The following SIK2 variants were observed in gnomAD, a reference collection of about 807,000 sequenced individuals.
SIK2 encodes salt inducible kinase 2.
Under a neutral mutation model 103.2 loss-of-function variants are expected in SIK2, and 29 were observed. The observed-to-expected ratio is 0.28, with a 90% CI of 0.21 to 0.38. The LOEUF (loss-of-function observed/expected upper bound fraction) is 0.38, where lower values mean the gene tolerates loss of function less well. Ranked by LOEUF, SIK2 falls within the 10% of genes least tolerant of loss-of-function variation. The pLI is 1.00. For synonymous variants in SIK2, 412 were observed against 446.1 expected, an observed-to-expected ratio of 0.92 and a Z score of 0.96; for missense variants, 879 against 1,171.0, an observed-to-expected ratio of 0.75 and a Z score of 3.64.
At chr11:111,652,825 T>A (rs1392494665) in intron 3 of SIK2, among the ~76,000 whole-genome samples, 5 of 152,224 alleles carry the variant, frequency 3.3e-5, no homozygotes, top group Admixed American at 6.5e-5. Flanking sequence ...ATAAATTTGC[T>A]CATAGTGACA....
Position 111,602,814 on chromosome 11 carries a change from G to A in SIK2, c.135+116G>A. On this transcript the variant is annotated intron_variant, in intron 1 of 14. Coordinates refer to ENST00000304987, the MANE Select transcript of SIK2 (RefSeq NM_015191.3). The surrounding 1 kb of genome is among the most constrained non-coding windows in gnomAD (Gnocchi z 4.5). ...GGAGACCCGAGAGGCCGCCTCACTG[G>A]CGGAGGCGAGCGGGCCTGGGACTGT... is the stretch of plus-strand genomic sequence containing the variant. 7.4e-7 allele frequency: 1 copy of A among 1,360,164 alleles called. No individual in the cohort carries two copies. 84.3% of individuals were successfully genotyped at this position (1,360,164 alleles called of 1,614,324 possible).
Position 111,723,984 on chromosome 11 carries a change from G to A in SIK2, c.2636G>A (p.Gly879Glu), listed in dbSNP as rs770935216. 15 of 1,614,168 alleles carry A rather than the reference G, an allele frequency of 9.3e-6. No homozygotes were observed. The South Asian group carries it at 1.4e-4, about 15-fold the overall frequency. ...VDGAQQSDLT[G>E]PDCPRSPGLQ... is the part of the protein sequence containing the mutation. The stretch of plus-strand genomic sequence containing the variant: ...GGAGCCCAGCAGAGCGACCTAACGG[G>A]GCCAGACTGTCCCAGAAGCCCAGGA... The change falls in exon 15 of 15, where the codon GGG (glycine) becomes GAG (glutamate). Residue 879 changes from glycine to glutamate, a missense_variant. Around this residue, in one of 7 missense-constraint regions of SIK2, gnomAD observed 375 missense variants for 416.3 expected, o/e 0.90. Transcript: ENST00000304987.
Position 111,705,220 on chromosome 11 carries a change from G to T in SIK2, c.1101+81G>T. 7.3e-7 allele frequency: 1 copy of T among 1,378,538 alleles called. No homozygotes were observed. Among genetic ancestry groups the T allele is most frequent in the Non-Finnish European group, 9.4e-7 (1 of 1,058,836 alleles). 85.4% of individuals were successfully genotyped at this position (1,378,538 alleles called of 1,614,324 possible). A position where few individuals can be genotyped will look rare whatever the true frequency, so the allele number is the denominator to read the frequency against. On this transcript the variant is annotated intron_variant, in intron 8 of 14. Coordinates refer to ENST00000304987, the MANE Select transcript of SIK2 (RefSeq NM_015191.3). This position sits in a 1 kb window ranked among gnomAD's most constrained non-coding sequence, Gnocchi z 4.3. ...ATACATTTTTCATCTTATACACAGG[G>T]TTAGGATTTCATCCTCTACACTCCG...
rs1315990076 is a variant in SIK2 at position 111,617,112 on chromosome 11, C to G, written c.252+753C>G. Reference sequence around the variant, plus strand: ...AATAATTTTTGTAAAATAAATTGAACTCATTTTAAGTGTAAGCCATGGGGT... The same window carrying G: ...AATAATTTTTGTAAAATAAATTGAAGTCATTTTAAGTGTAAGCCATGGGGT... On this transcript the variant is annotated intron_variant, in intron 2 of 14. Coordinates refer to ENST00000304987, the MANE Select transcript of SIK2 (RefSeq NM_015191.3). Among the ~76,000 whole-genome samples, 6 of 151,928 alleles carry G rather than the reference C, an allele frequency of 3.9e-5. No individual in the cohort carries two copies. The East Asian group carries it at 1.2e-3, about 29-fold the overall frequency.
chr11:111,602,639 C>A lies in SIK2; in HGVS notation c.76C>A (p.Leu26Met). 6.5e-7 allele frequency: 1 copy of A among 1,533,102 alleles called. No individual in the cohort carries two copies. Among genetic ancestry groups the A allele is most frequent in the Non-Finnish European group, 8.8e-7 (1 of 1,139,112 alleles). The allele number at this position is 1,533,102 out of a possible 1,614,324, so 95.0% of individuals were successfully genotyped here. A position where few individuals can be genotyped will look rare whatever the true frequency, so the allele number is the denominator to read the frequency against. The change falls in exon 1 of 15, where the codon CTG (leucine) becomes ATG (methionine). Residue 26 changes from leucine to methionine, a missense_variant. Coordinates refer to ENST00000304987, the MANE Select transcript of SIK2 (RefSeq NM_015191.3). The surrounding 1 kb of genome is among the most constrained non-coding windows in gnomAD (Gnocchi z 4.5). Reference sequence around the variant, plus strand: ...GGGGTTCTACGACATCGAGGGCACGCTGGGCAAGGGCAACTTCGCTGTGGT... The same window carrying A: ...GGGGTTCTACGACATCGAGGGCACGATGGGCAAGGGCAACTTCGCTGTGGT... The part of the protein sequence containing the change: ...RVGFYDIEGT[L>M]GKGNFAVVKL...
intron 4 of SIK2, among the ~76,000 whole-genome samples, chr11:111,691,798 C>CTA (rs376096877): frequency 3.5e-4 from 54 of 152,312 alleles, no homozygotes; most frequent in African/African-American, 1.3e-3. Context: ...TGCTCTTGGA[C>CTA]TAAGTCCTGG....
intron 3 of SIK2, among the ~76,000 whole-genome samples, chr11:111,667,638 T>A (rs1373819082): frequency 2.0e-5 from 3 of 151,932 alleles, no homozygotes; most frequent in Admixed American, 2.0e-4. Flanking sequence ...ATTACAGGCA[T>A]GTGCCCACCA....
chr11:111,667,488 C>CTTTT (rs565449284), intron 3 of SIK2, among the ~76,000 whole-genome samples: 5 of 105,368 alleles, frequency 4.7e-5, no homozygotes, highest in African/African-American at 1.3e-4. Context: ...TGTTGGTTAT[C>CTTTT]TTTTTTTTTT....
At chr11:111,717,007 A>C (rs367989045) in intron 9 of SIK2, among the ~76,000 whole-genome samples, 8 of 152,258 alleles carry the variant, frequency 5.3e-5, no homozygotes, top group African/African-American at 1.9e-4. Context: ...TACAGCCAAC[A>C]AACATATGAA....
intron 8 of SIK2, among the ~76,000 whole-genome samples, chr11:111,706,292 G>A (rs916968337): frequency 1.3e-5 from 2 of 152,200 alleles, no homozygotes; most frequent in African/African-American, 2.4e-5. Context: ...ATGACTTAGA[G>A]ATGACTCTGT....
chr11:111,624,882 A>C (rs1255341429), intron 3 of SIK2, among the ~76,000 whole-genome samples: 2 of 152,336 alleles, frequency 1.3e-5, no homozygotes, highest in African/African-American at 4.8e-5. Context: ...CCTCGCTGGC[A>C]TTTGAGCACA....
chr11:111,653,986 T>C (rs1389709646), intron 3 of SIK2, among the ~76,000 whole-genome samples: 1 of 152,220 alleles, frequency 6.6e-6, no homozygotes, highest in Non-Finnish European at 1.5e-5. Flanking sequence ...AATTCCAAAG[T>C]CAATTTCAAG....
rs1012191473 is a variant in SIK2, at chr11:111,721,131, C to A, written c.1944+69C>A. 4.6e-6 allele frequency: 7 copies of A among 1,507,710 alleles called. No homozygotes were observed. The African/African-American group carries it at 9.8e-5, about 21-fold the overall frequency. 93.4% of individuals were successfully genotyped at this position (1,507,710 alleles called of 1,614,324 possible). On this transcript the variant is annotated intron_variant, in intron 12 of 14. Transcript: ENST00000304987. ...GGTGTGAGTTTGTCCTGAAGATGGT[C>A]ATTTTCACTTAGAGGATTTCCTCCA...
Position 111,690,403 on chromosome 11 carries a change from G to GT in SIK2, c.478+2250dup, listed in dbSNP as rs576329543. The stretch of plus-strand genomic sequence containing the variant: ...ATAGCACAAAGGAGTTCTAGGAGTT[G>GT]TTTTTTTTTCCAAGAGAACTATTTT... On this transcript the variant is annotated intron_variant, in intron 4 of 14. Transcript: ENST00000304987. 1.7e-4 allele frequency among the ~76,000 whole-genome samples: 24 copies of GT among 145,398 alleles called. No homozygotes were observed. The South Asian group carries it at 1.8e-3, about 11-fold the overall frequency.
chr11:111,701,059 C>T lies in SIK2; in HGVS notation c.603+49C>T. On this transcript the variant is annotated intron_variant, in intron 5 of 14. Transcript: ENST00000304987. This position sits in a 1 kb window ranked among gnomAD's most constrained non-coding sequence, Gnocchi z 4.2. ...GTTAAATGCATCTATACTGATAATA[C>T]TTGGTGTTCTGGCCCATCTTAGAAG... The T allele has an allele frequency of 6.3e-7, 1 of 1,583,538 alleles. No homozygotes were observed. Among genetic ancestry groups the T allele is most frequent in the Non-Finnish European group, 8.6e-7 (1 of 1,161,034 alleles).
In SIK2 at chr11:111,609,306, T is replaced by A. The variant is rs553974710; in HGVS notation, c.135+6608T>A. ...CCCAATCTGTTTTTCCTACCCACTA[T>A]TATAAAAGTCAAATCAATTTTTTTT... On this transcript the variant is annotated intron_variant, in intron 1 of 14. Coordinates refer to ENST00000304987, the MANE Select transcript of SIK2 (RefSeq NM_015191.3). 5.9e-5 allele frequency among the ~76,000 whole-genome samples: 9 copies of A among 152,242 alleles called. 1 individual carries two copies. The highest frequency in any genetic ancestry group is 2.2e-4 in the African/African-American group (9 of 41,542).
intron 3 of SIK2, among the ~76,000 whole-genome samples, chr11:111,631,368 A>C (rs1942035158): frequency 6.6e-6 from 1 of 152,122 alleles, no homozygotes; most frequent in Non-Finnish European, 1.5e-5. Context: ...GCAGTGAGGG[A>C]GTTTATGGTA....
At chr11:111,627,495 T>A (rs1383734503) in intron 3 of SIK2, among the ~76,000 whole-genome samples, 2 of 152,220 alleles carry the variant, frequency 1.3e-5, no homozygotes, top group Non-Finnish European at 2.9e-5. Context: ...ACATAGTACA[T>A]ATAAGGTTTG....
chr11:111,608,972 G>T (rs547682668), intron 1 of SIK2, among the ~76,000 whole-genome samples: 65 of 149,324 alleles, frequency 4.4e-4, no homozygotes, highest in African/African-American at 1.5e-3. Flanking sequence ...CTTGATAGCA[G>T]AAAATAATAT....
Sources: gnomAD v4.1 joint callset for allele counts (sites outside exome capture counted in the v4.1 genomes callset) on GRCh38, gnomAD v4.1.1 for gene constraint, gnomAD v4.1.1 regional missense constraint, Gnocchi (gnomAD v3.1) non-coding constraint, MANE v1.5 for transcripts, NCBI Gene and HGNC (gene_info 2026-07-23, HGNC 2026-07-21) for gene names.